The following UBE2E1 variants were observed in gnomAD, a reference collection of about 807,000 sequenced individuals.
The protein encoded by UBE2E1 is ubiquitin-conjugating enzyme E2 E1.
UBE2E1 carries 6 observed loss-of-function variants against 21.4 expected under a neutral mutation model. The ratio of observed to expected loss-of-function variants is 0.28; its 90% CI spans 0.15 to 0.55. UBE2E1 has a LOEUF of 0.55. Ranked by LOEUF, UBE2E1 falls within the 20% of genes least tolerant of loss-of-function variation. The pLI, the probability that UBE2E1 is intolerant of heterozygous loss-of-function variation, is 0.93. For synonymous variants in UBE2E1, 87 were observed against 82.7 expected, an observed-to-expected ratio of 1.05 and a Z score of -0.28; for missense variants, 142 against 236.5, an observed-to-expected ratio of 0.60 and a Z score of 2.62.
intron 3 of UBE2E1, among the ~76,000 whole-genome samples, chr3:23,878,827 A>G (rs1462123049): frequency 6.6e-6 from 1 of 152,234 alleles, no homozygotes; most frequent in South Asian, 2.1e-4. Flanking sequence ...TTGTATAATT[A>G]TTTCATTCTA....
chr3:23,891,339 T>G lies in UBE2E1; in HGVS notation c.*733T>G, dbSNP rs903758145. On this transcript the variant is annotated 3_prime_UTR_variant, in exon 6 of 6. Transcript: ENST00000306627. ...ACACTGCTGTGTTCATTTACTTTTCTTTTGCCTTTTGGTTGCCATTCGCAG... is the reference window on the plus strand; with the variant it reads ...ACACTGCTGTGTTCATTTACTTTTCGTTTGCCTTTTGGTTGCCATTCGCAG... 8 of 152,234 alleles carry G rather than the reference T, an allele frequency of 5.3e-5. No homozygotes were observed. Among genetic ancestry groups the G allele is most frequent in the African/African-American group, 1.9e-4 (8 of 41,478 alleles). 9.4% of individuals were successfully genotyped at this position (152,234 alleles called of 1,614,324 possible).
chr3:23,847,720 C>T (rs2125305008), intron 3 of UBE2E1, among the ~76,000 whole-genome samples: 1 of 152,132 alleles, frequency 6.6e-6, no homozygotes, highest in South Asian at 2.1e-4. Flanking sequence ...TGGTCTCGAT[C>T]TTCTGACCTC....
rs1216723772 is a variant in UBE2E1, at chr3:23,842,249, GGTGT to G, written c.203+30740_203+30743del. ...TGTGTGTGTGTGTGTGTGTGTGTGT[GGTGT>G]TGTTGTTGTTGGCGACAGGGTCTCA... is the stretch of plus-strand genomic sequence containing the variant. On this transcript the variant is annotated intron_variant, in intron 3 of 5. Coordinates refer to ENST00000306627, the MANE Select transcript of UBE2E1 (RefSeq NM_003341.5). The surrounding 1 kb of genome is among the most constrained non-coding windows in gnomAD (Gnocchi z 4.6). Among the ~76,000 whole-genome samples, 4 of 98,226 alleles carry G rather than the reference GGTGT, an allele frequency of 4.1e-5. No homozygotes were observed. The highest frequency in any genetic ancestry group is 1.1e-4 in the Admixed American group (1 of 8,840). The allele number at this position is 98,226 out of a possible 152,430, so 64.4% of individuals were successfully genotyped here.
In UBE2E1 at chr3:23,842,231, GT is replaced by G. The variant is rs1360179887; in HGVS notation, c.203+30722del. Among the ~76,000 whole-genome samples the G allele has an allele frequency of 1.4e-4, 11 of 78,306 alleles. No homozygotes were observed. Among genetic ancestry groups the G allele is most frequent in the Non-Finnish European group, 1.6e-4 (6 of 36,806 alleles). The allele number at this position is 78,306 out of a possible 152,430, so 51.4% of individuals were successfully genotyped here. A position where few individuals can be genotyped will look rare whatever the true frequency, so the allele number is the denominator to read the frequency against. On this transcript the variant is annotated intron_variant, in intron 3 of 5. Transcript: ENST00000306627. This position sits in a 1 kb window ranked among gnomAD's most constrained non-coding sequence, Gnocchi z 4.6. ...TGTGTGTGTGTGTGTGTGTGTGTGT[GT>G]GTGTGTGTGTGTGTGTGGTGTTGTT...
At position 23,891,575 on chromosome 3, in the gene UBE2E1, T is replaced by C. The variant is rs1422421838; in HGVS notation, c.*969T>C. 1 of 152,194 alleles carries C rather than the reference T, an allele frequency of 6.6e-6. No homozygotes were observed. The highest frequency in any genetic ancestry group is 1.9e-4 in the East Asian group (1 of 5,204). 9.4% of individuals were successfully genotyped at this position (152,194 alleles called of 1,614,324 possible). A position where few individuals can be genotyped will look rare whatever the true frequency, so the allele number is the denominator to read the frequency against. The stretch of plus-strand genomic sequence containing the variant: ...AAAGCATTTTCTGACTTGCAGATGC[T>C]GTAGTAGCAAGTACATGAGAAATGG... On this transcript the variant is annotated 3_prime_UTR_variant, in exon 6 of 6. Transcript: ENST00000306627.
intron 3 of UBE2E1, among the ~76,000 whole-genome samples, chr3:23,871,632 C>CGG (rs1294247573): frequency 6.6e-6 from 1 of 150,706 alleles, no homozygotes; most frequent in African/African-American, 2.5e-5. Flanking sequence ...GGTTGCCAGG[C>CGG]GGAGGGTCTC....
Position 23,823,820 on chromosome 3 carries a change from C to T in UBE2E1, c.203+12310C>T, listed in dbSNP as rs1699695580. ...GCAGTAAAGTTAGCAGCGTCATATA[C>T]TACTTGCTAGTATATCACACTGCTT... On this transcript the variant is annotated intron_variant, in intron 3 of 5. Coordinates refer to ENST00000306627, the MANE Select transcript of UBE2E1 (RefSeq NM_003341.5). This position sits in a 1 kb window ranked among gnomAD's most constrained non-coding sequence, Gnocchi z 4.2. Among the ~76,000 whole-genome samples, 1 of 152,212 alleles carries T rather than the reference C, an allele frequency of 6.6e-6. No individual in the cohort carries two copies. Among genetic ancestry groups the T allele is most frequent in the African/African-American group, 2.4e-5 (1 of 41,450 alleles).
At chr3:23,857,786 A>G (rs1459676318) in intron 3 of UBE2E1, among the ~76,000 whole-genome samples, 3 of 152,208 alleles carry the variant, frequency 2.0e-5, no homozygotes, top group African/African-American at 4.8e-5. Flanking sequence ...CTCCTCAGGA[A>G]TGAGTCTGAG....
intron 3 of UBE2E1, among the ~76,000 whole-genome samples, chr3:23,841,460 A>G (rs1305419395): frequency 1.3e-5 from 2 of 152,126 alleles, no homozygotes; most frequent in Non-Finnish European, 2.9e-5. Context: ...TTCTAATACG[A>G]TTAAAGGTCA....
At chr3:23,848,623 A>C (rs1297230607) in intron 3 of UBE2E1, among the ~76,000 whole-genome samples, 1 of 152,240 alleles carries the variant, frequency 6.6e-6, no homozygotes, top group East Asian at 1.9e-4. Context: ...CAATATACTT[A>C]AATGCCCACA....
intron 3 of UBE2E1, among the ~76,000 whole-genome samples, chr3:23,824,021 A>G (rs1699700453): frequency 6.6e-6 from 1 of 152,234 alleles, no homozygotes; most frequent in Non-Finnish European, 1.5e-5. Flanking sequence ...AAAGTAAATC[A>G]TATATTGAGG....
At chr3:23,882,311 TC>T (rs1223136315) in intron 3 of UBE2E1, among the ~76,000 whole-genome samples, 12 of 152,218 alleles carry the variant, frequency 7.9e-5, no homozygotes, top group African/African-American at 2.9e-4. Flanking sequence ...ACAAAAGTTC[TC>T]CAAGTCCCCA....
At chr3:23,845,561 T>TTCTCTCTCTCTCTCTC (rs144798695) in intron 3 of UBE2E1, among the ~76,000 whole-genome samples, 4 of 137,014 alleles carry the variant, frequency 2.9e-5, no homozygotes, top group East Asian at 2.1e-4. Flanking sequence ...CTGTTTTGGT[T>TTCTCTCTCTCTCTCTC]TCTCTCTCTC....
In UBE2E1 at chr3:23,810,161, A is replaced by T. The variant is rs1184941271; in HGVS notation, c.153-1299A>T. 6.6e-6 allele frequency among the ~76,000 whole-genome samples: 1 copy of T among 152,184 alleles called. No individual in the cohort carries two copies. Among genetic ancestry groups the T allele is most frequent in the Admixed American group, 6.5e-5 (1 of 15,276 alleles). Reference sequence around the variant, plus strand: ...TGTGTGTGTGTTTAAAATTTTTTTAACTACAGTGCTGCCTCGGTGAGATTT... The same window carrying T: ...TGTGTGTGTGTTTAAAATTTTTTTATCTACAGTGCTGCCTCGGTGAGATTT... On this transcript the variant is annotated intron_variant, in intron 2 of 5. Coordinates refer to ENST00000306627, the MANE Select transcript of UBE2E1 (RefSeq NM_003341.5). This position sits in a 1 kb window ranked among gnomAD's most constrained non-coding sequence, Gnocchi z 5.8.
At position 23,816,102 on chromosome 3, in the gene UBE2E1, C is replaced by A. The variant is rs959097444; in HGVS notation, c.203+4592C>A. Among the ~76,000 whole-genome samples, 4 of 152,258 alleles carry A rather than the reference C, an allele frequency of 2.6e-5. No homozygotes were observed. The East Asian group carries it at 7.7e-4, about 29-fold the overall frequency. On this transcript the variant is annotated intron_variant, in intron 3 of 5. Transcript: ENST00000306627. This position sits in a 1 kb window ranked among gnomAD's most constrained non-coding sequence, Gnocchi z 4.8. ...GAAGTCTTGTGGCGGTTGTGTTTACCAAAAGACTATATCTGGATTGTAAAA... is the reference window on the plus strand; with the variant it reads ...GAAGTCTTGTGGCGGTTGTGTTTACAAAAAGACTATATCTGGATTGTAAAA...
intron 3 of UBE2E1, among the ~76,000 whole-genome samples, chr3:23,833,294 G>A (rs528002006): frequency 6.2e-4 from 94 of 152,262 alleles, no homozygotes; most frequent in Admixed American, 1.7e-3. Context: ...TATATGGTAT[G>A]TGCCTTTCTT....
At position 23,868,970 on chromosome 3, in the gene UBE2E1, T is replaced by A. The variant is rs74660448; in HGVS notation, c.204-18597T>A. On this transcript the variant is annotated intron_variant, in intron 3 of 5. Transcript: ENST00000306627. ...ATATGGTTGTACTCCAATGAACCTA[T>A]CTCCTGTCAGTAAGTTAGCTCATTC... Among the ~76,000 whole-genome samples, 1,165 of 152,306 alleles carry A rather than the reference T, an allele frequency of 7.6e-3. 13 individuals are homozygous for A. The highest frequency in any genetic ancestry group is 0.027 in the African/African-American group (1,102 of 41,544).
chr3:23,824,226 G>A lies in UBE2E1; in HGVS notation c.203+12716G>A, dbSNP rs542517729. Among the ~76,000 whole-genome samples the A allele has an allele frequency of 3.3e-5, 5 of 152,296 alleles. No individual in the cohort carries two copies. In the South Asian group the frequency reaches 1.0e-3, roughly 32 times the overall value. The stretch of plus-strand genomic sequence containing the variant: ...TTGGTAAAAAAGTAAAAACTGTTAA[G>A]ATCTTGGAGCCCAGACTTATTTGTT... On this transcript the variant is annotated intron_variant, in intron 3 of 5. Coordinates refer to ENST00000306627, the MANE Select transcript of UBE2E1 (RefSeq NM_003341.5).
chr3:23,873,893 AATT>A (rs1413258099), intron 3 of UBE2E1, among the ~76,000 whole-genome samples: 3 of 152,236 alleles, frequency 2.0e-5, no homozygotes, highest in African/African-American at 7.2e-5. Flanking sequence ...AAAAACTGAA[AATT>A]ATTATTACCA....
Sources: gnomAD v4.1 joint callset for allele counts (sites outside exome capture counted in the v4.1 genomes callset) on GRCh38, gnomAD v4.1.1 for gene constraint, Gnocchi (gnomAD v3.1) non-coding constraint, MANE v1.5 for transcripts, NCBI Gene and HGNC (gene_info 2026-07-23, HGNC 2026-07-21) for gene names.